EIF4ENIF1: variants seen among roughly 807,000 people sequenced by gnomAD.
EIF4ENIF1 encodes the protein eukaryotic translation initiation factor 4E nuclear import factor 1, also known as eukaryotic translation initiation factor 4E transporter.
In EIF4ENIF1, 23 loss-of-function variants were observed where a neutral mutation model predicts 110.5. The observed-to-expected ratio is 0.21, with a 90% CI of 0.15 to 0.29. The LOEUF (loss-of-function observed/expected upper bound fraction) is 0.29. EIF4ENIF1 is among the 10% of genes least tolerant of loss of function. The pLI, the probability that EIF4ENIF1 is intolerant of heterozygous loss-of-function variation, is 1.00. For synonymous variants in EIF4ENIF1, 440 were observed against 437.0 expected, an observed-to-expected ratio of 1.01 and a Z score of -0.09; for missense variants, 1,031 against 1,221.1, an observed-to-expected ratio of 0.84 and a Z score of 2.32.
intron 2 of EIF4ENIF1, among the ~76,000 whole-genome samples, chr22:31,474,489 T>A (rs77048899): frequency 2.5e-5 from 3 of 121,804 alleles, no homozygotes; most frequent in East Asian, 4.6e-4. Context: ...CATGCCATCT[T>A]TTTTTTTTTT....
chr22:31,472,422 C>T (rs1362485873), intron 2 of EIF4ENIF1, among the ~76,000 whole-genome samples: 2 of 152,168 alleles, frequency 1.3e-5, no homozygotes, highest in African/African-American at 4.8e-5. Flanking sequence ...GCACACGCCA[C>T]CATGCCTGGC....
chr22:31,492,724 AT>A (rs1294381743), upstream of EIF4ENIF1, among the ~76,000 whole-genome samples: 6 of 152,148 alleles, frequency 3.9e-5, no homozygotes, highest in African/African-American at 1.4e-4. Flanking sequence ...TGGCAGGATA[AT>A]TTTTATTTTT....
At chr22:31,468,472 G>A (rs1034437217) in intron 3 of EIF4ENIF1, among the ~76,000 whole-genome samples, 170 bp from the exon 4 acceptor site, 24 of 152,156 alleles carry the variant, frequency 1.6e-4, no homozygotes, top group African/African-American at 5.3e-4. Context: ...TCAGCTCACT[G>A]CACCCTCTGC....
intron 12 of EIF4ENIF1, among the ~76,000 whole-genome samples, chr22:31,449,124 T>C (rs567684461): frequency 6.6e-6 from 1 of 152,160 alleles, no homozygotes; most frequent in East Asian, 1.9e-4. Context: ...GATTCTCCTG[T>C]CTCAGCCTCC....
At chr22:31,464,949 A>G (rs2051135825) in intron 4 of EIF4ENIF1, among the ~76,000 whole-genome samples, 1 of 151,630 alleles carries the variant, frequency 6.6e-6, no homozygotes, top group East Asian at 1.9e-4. Flanking sequence ...CACTGTTTAG[A>G]GAATGCAAAG....
chr22:31,446,626 A>G (rs941757135), intron 14 of EIF4ENIF1, among the ~76,000 whole-genome samples: 3 of 152,158 alleles, frequency 2.0e-5, no homozygotes, highest in African/African-American at 7.2e-5. Context: ...TTGGTGATAA[A>G]TTATTTTTAA....
rs559548747 is a variant in EIF4ENIF1 at position 31,441,314 on chromosome 22, G to A, written c.2552-446C>T. ...ACACTTTGGGAGGCCGATGTGGGTG[G>A]ACTGCCTAAACTTAGGAGTTTGAGA... On this transcript the variant is annotated intron_variant, in intron 17 of 18. Transcript: ENST00000330125. Among the ~76,000 whole-genome samples the A allele has an allele frequency of 9.2e-5, 14 of 152,102 alleles. No homozygotes were observed. In the South Asian group the frequency reaches 2.9e-3, roughly 32 times the overall value.
chr22:31,464,699 A>AAAATATAT (rs1304121964), intron 4 of EIF4ENIF1, among the ~76,000 whole-genome samples: 8 of 39,126 alleles, frequency 2.0e-4, no homozygotes, highest in East Asian at 1.2e-3. Flanking sequence ...AAAAAAAAAA[A>AAAATATAT]ATATATATAT....
chr22:31,454,775 G>C lies in EIF4ENIF1; in HGVS notation c.1279+361C>G, dbSNP rs77058308. Among the ~76,000 whole-genome samples the C allele has an allele frequency of 4.4e-3, 663 of 152,256 alleles. 1 individual carries two copies. The highest frequency in any genetic ancestry group is 0.015 in the African/African-American group (643 of 41,546). ...CATTATATCACTAAGTTTTTATGTT[G>C]AGAATTTATAGCCTAAGCAAGAACA... On this transcript the variant is annotated intron_variant, in intron 9 of 18. Transcript: ENST00000330125.
intron 2 of EIF4ENIF1, among the ~76,000 whole-genome samples, chr22:31,475,917 G>A (rs1480441790): frequency 6.6e-6 from 1 of 151,516 alleles, no homozygotes; most frequent in Non-Finnish European, 1.5e-5. Context: ...GGGCAAACAT[G>A]GTGTCAGATC....
Position 31,469,427 on chromosome 22 carries a change from T to C in EIF4ENIF1, c.171-1125A>G, listed in dbSNP as rs558098982. 2.0e-5 allele frequency among the ~76,000 whole-genome samples: 3 copies of C among 152,374 alleles called. No homozygotes were observed. In the East Asian group the frequency reaches 5.8e-4, roughly 29 times the overall value. On this transcript the variant is annotated intron_variant, in intron 3 of 18. Coordinates refer to ENST00000330125, the MANE Select transcript of EIF4ENIF1 (RefSeq NM_019843.4). ...AAGCCACGGAATATTTTATAGAATC[T>C]GGCACAGTATTTATGACATAGCAGG...
At chr22:31,472,685 A>T (rs1249295817) in intron 2 of EIF4ENIF1, among the ~76,000 whole-genome samples, 4 of 152,182 alleles carry the variant, frequency 2.6e-5, no homozygotes, top group East Asian at 3.8e-4. Flanking sequence ...GCAGAATTTT[A>T]AAAAAATTGA....
chr22:31,476,962 T>C (rs2051596449), intron 2 of EIF4ENIF1, among the ~76,000 whole-genome samples: 1 of 149,968 alleles, frequency 6.7e-6, no homozygotes, highest in Non-Finnish European at 1.5e-5. Context: ...TGCACCCTTT[T>C]TGAGGGAGAC....
At chr22:31,475,577 C>A (rs1457075704) in intron 2 of EIF4ENIF1, among the ~76,000 whole-genome samples, 2 of 152,150 alleles carry the variant, frequency 1.3e-5, no homozygotes, top group Middle Eastern at 3.4e-3. Context: ...CATGGTGAAA[C>A]CCTGTCTCTA....
chr22:31,466,413 G>A (rs1159607181), intron 4 of EIF4ENIF1, among the ~76,000 whole-genome samples: 4 of 20,606 alleles, frequency 1.9e-4, no homozygotes, highest in East Asian at 0.014. Flanking sequence ...ACTCTGTCTC[G>A]GTGGGGGGAA....
chr22:31,491,292 ATTATT>A (rs974582820), upstream of EIF4ENIF1, among the ~76,000 whole-genome samples: 1 of 152,198 alleles, frequency 6.6e-6, no homozygotes, highest in South Asian at 2.1e-4. Flanking sequence ...TACAGATGTT[ATTATT>A]TTAACAATCA....
intron 14 of EIF4ENIF1, among the ~76,000 whole-genome samples, 183 bp from the exon 15 acceptor site, chr22:31,444,873 G>A (rs1322583311): frequency 6.6e-6 from 1 of 152,170 alleles, no homozygotes; most frequent in Non-Finnish European, 1.5e-5. Context: ...GAAGACAAAA[G>A]GAAAATGAAA....
chr22:31,474,179 T>A (rs775661145), intron 2 of EIF4ENIF1, among the ~76,000 whole-genome samples: 3 of 151,928 alleles, frequency 2.0e-5, no homozygotes, highest in Non-Finnish European at 4.4e-5. Flanking sequence ...CACCTCAGCC[T>A]CCCGAATAGC....
At chr22:31,460,343 G>C (rs995809507) in intron 6 of EIF4ENIF1, among the ~76,000 whole-genome samples, 2 of 152,088 alleles carry the variant, frequency 1.3e-5, no homozygotes, top group African/African-American at 4.8e-5. Flanking sequence ...TATTAAAATA[G>C]CTTTCCCAGA....
Sources: gnomAD v4.1 joint callset for allele counts (sites outside exome capture counted in the v4.1 genomes callset) on GRCh38, gnomAD v4.1.1 for gene constraint, MANE v1.5 for transcripts, NCBI Gene and HGNC (gene_info 2026-07-23, HGNC 2026-07-21) for gene names.